RBMS3: variants seen among roughly 807,000 people sequenced by gnomAD.
The protein encoded by RBMS3 is RNA binding motif single stranded interacting protein 3.
In RBMS3, 27 loss-of-function variants were observed where a neutral mutation model predicts 66.8. The observed-to-expected ratio is 0.40, with a 90% CI of 0.30 to 0.56. The LOEUF is 0.56. RBMS3 is among the 20% of genes least tolerant of loss of function. The probability of loss-of-function intolerance (pLI) is 0.40; values close to 1 mark genes in which losing one functional copy is unlikely to be tolerated. For synonymous variants in RBMS3, 188 were observed against 183.0 expected, an observed-to-expected ratio of 1.03 and a Z score of -0.22; for missense variants, 513 against 549.5, an observed-to-expected ratio of 0.93 and a Z score of 0.66.
chr3:29,603,428 C>G (rs1402992460), intron 4 of RBMS3, among the ~76,000 whole-genome samples: 1 of 151,940 alleles, frequency 6.6e-6, no homozygotes. Flanking sequence ...TCTGTGCAAT[C>G]TTTTAGAACA....
chr3:29,511,204 G>A (rs1304630196), intron 3 of RBMS3, among the ~76,000 whole-genome samples: 2 of 152,104 alleles, frequency 1.3e-5, no homozygotes, highest in African/African-American at 4.8e-5. Context: ...GGCTGAGGCG[G>A]GAGAATCACT....
chr3:29,324,570 G>A (rs2035203164), intron 1 of RBMS3, among the ~76,000 whole-genome samples: 1 of 151,842 alleles, frequency 6.6e-6, no homozygotes, highest in Non-Finnish European at 1.5e-5. Context: ...TGCTGGAGTG[G>A]GTAGGATTGT....
intron 1 of RBMS3, among the ~76,000 whole-genome samples, chr3:29,374,214 C>T (rs1047277030): frequency 2.0e-5 from 3 of 152,158 alleles, no homozygotes; most frequent in African/African-American, 4.8e-5. Flanking sequence ...TCATTCACAA[C>T]CTAGATAAAT....
intron 4 of RBMS3, among the ~76,000 whole-genome samples, chr3:29,691,288 C>A (rs1163047478): frequency 1.3e-5 from 2 of 152,112 alleles, no homozygotes; most frequent in Non-Finnish European, 2.9e-5. Flanking sequence ...GGCCACAAAG[C>A]GTCAAGAAGA....
intron 6 of RBMS3, among the ~76,000 whole-genome samples, chr3:29,791,592 C>A (rs2057015898): frequency 6.6e-6 from 1 of 152,088 alleles, no homozygotes; most frequent in Non-Finnish European, 1.5e-5. Flanking sequence ...TACTGTTTAT[C>A]ATTAGGAGGA....
At chr3:29,808,614 C>T (rs1004034363) in intron 6 of RBMS3, among the ~76,000 whole-genome samples, 11 of 151,968 alleles carry the variant, frequency 7.2e-5, no homozygotes, top group Non-Finnish European at 1.6e-4. Context: ...AAGAATGCTA[C>T]TGATTTAATC....
In RBMS3 at chr3:29,532,246, G is replaced by GTGTATATA. The variant is rs1491266863; in HGVS notation, c.307+43748_307+43749insGTATATAT. Among the ~76,000 whole-genome samples the GTGTATATA allele has an allele frequency of 1.9e-4, 17 of 88,982 alleles. No individual in the cohort carries two copies. The East Asian group carries it at 3.5e-3, about 19-fold the overall frequency. The allele number at this position is 88,982 out of a possible 152,430, so 58.4% of individuals were successfully genotyped here. A position where few individuals can be genotyped will look rare whatever the true frequency, so the allele number is the denominator to read the frequency against. On this transcript the variant is annotated intron_variant, in intron 3 of 14. Coordinates refer to ENST00000383767, the MANE Select transcript of RBMS3 (RefSeq NM_001003793.3). ...TCTTATTTTAATTTCGCATATATAT[G>GTGTATATA]TATATATATATATATGTATATATAT...
At chr3:29,967,729 T>TC (rs1696947102) in intron 12 of RBMS3, among the ~76,000 whole-genome samples, 1 of 152,206 alleles carries the variant, frequency 6.6e-6, no homozygotes, top group Non-Finnish European at 1.5e-5. Context: ...TTATCCGTCT[T>TC]TTCTAGGTTT....
At chr3:29,806,849 C>G (rs7629831) in intron 6 of RBMS3, among the ~76,000 whole-genome samples, 76,510 of 151,626 alleles carry the variant, frequency 0.5, 20,191 homozygotes, top group African/African-American at 0.59. Context: ...ATGCTTTTAA[C>G]GTCTATTACT....
intron 10 of RBMS3, among the ~76,000 whole-genome samples, chr3:29,911,696 T>G (rs1235151931): frequency 6.6e-6 from 1 of 152,082 alleles, no homozygotes; most frequent in East Asian, 1.9e-4. Flanking sequence ...TCTCATCATT[T>G]GACTGTCAAC....
chr3:29,721,935 C>T (rs1035452730), intron 4 of RBMS3, among the ~76,000 whole-genome samples: 3 of 152,042 alleles, frequency 2.0e-5, no homozygotes, highest in Non-Finnish European at 2.9e-5. Flanking sequence ...AGACCATGAG[C>T]GAGTGGTATG....
intron 1 of RBMS3, among the ~76,000 whole-genome samples, chr3:29,366,554 A>T (rs573443519): frequency 2.0e-5 from 3 of 150,736 alleles, no homozygotes; most frequent in South Asian, 2.1e-4. Flanking sequence ...CTAATTTTTA[A>T]TTTTTTTTTT....
chr3:29,726,222 G>A (rs113709036), intron 4 of RBMS3, among the ~76,000 whole-genome samples: 19,767 of 152,064 alleles, frequency 0.13, 1,352 homozygotes, highest in Middle Eastern at 0.24. Flanking sequence ...AATAATAAGA[G>A]CTATTTATGA....
chr3:29,295,364 CAT>C (rs1180980504), intron 1 of RBMS3, among the ~76,000 whole-genome samples: 49 of 130,554 alleles, frequency 3.8e-4, no homozygotes, highest in East Asian at 1.0e-3. Context: ...TATACACACA[CAT>C]ATATATATAT....
At chr3:29,798,765 C>A (rs1237394268) in intron 6 of RBMS3, among the ~76,000 whole-genome samples, 1 of 152,106 alleles carries the variant, frequency 6.6e-6, no homozygotes, top group South Asian at 2.1e-4. Flanking sequence ...GTGTCTATAT[C>A]CATAATAACC....
chr3:29,956,514 A>G (rs1696056967), intron 12 of RBMS3, among the ~76,000 whole-genome samples: 1 of 152,078 alleles, frequency 6.6e-6, no homozygotes, highest in African/African-American at 2.4e-5. Flanking sequence ...GATCTAAATA[A>G]GTCTTTAAGT....
chr3:29,982,474 C>T (rs1379656439), intron 12 of RBMS3, among the ~76,000 whole-genome samples: 2 of 152,152 alleles, frequency 1.3e-5, no homozygotes, highest in Admixed American at 1.3e-4. Flanking sequence ...AATTTGTTTG[C>T]TCTTGCTTCT....
At chr3:29,696,089 C>T (rs1559578490) in intron 4 of RBMS3, among the ~76,000 whole-genome samples, 1 of 152,156 alleles carries the variant, frequency 6.6e-6, no homozygotes, top group Non-Finnish European at 1.5e-5. Flanking sequence ...CTTCTGTTAA[C>T]TCCCTTAGGA....
intron 5 of RBMS3, among the ~76,000 whole-genome samples, chr3:29,761,335 G>A (rs968719608): frequency 2.0e-5 from 3 of 152,062 alleles, no homozygotes; most frequent in African/African-American, 4.8e-5. Flanking sequence ...ACTGGAACTC[G>A]TTCCTGATAT....
Sources: allele counts gnomAD v4.1 joint callset (sites outside exome capture counted in the v4.1 genomes callset), GRCh38; gene constraint gnomAD v4.1.1; transcripts MANE v1.5; gene names NCBI Gene and HGNC (gene_info 2026-07-23, HGNC 2026-07-21).